MUC4: variants seen among roughly 807,000 people sequenced by gnomAD.
MUC4 encodes mucin-4.
Under a neutral mutation model 257.9 loss-of-function variants are expected in MUC4, and 202 were observed. The observed-to-expected ratio is 0.78, with a 90% CI of 0.70 to 0.88. The LOEUF (loss-of-function observed/expected upper bound fraction) is 0.88. MUC4 is among the 40% of genes least tolerant of loss of function. The probability of loss-of-function intolerance (pLI) is 0.00; values close to 1 mark genes in which losing one functional copy is unlikely to be tolerated. For synonymous variants in MUC4, 2,351 were observed against 2,757.1 expected (o/e 0.85, Z 4.62); for missense variants, 5,976 against 6,513.7 (o/e 0.92, Z 2.84).
intron 9 of MUC4, 40 bp downstream of exon 9, chr3:195,765,230 G>T (rs1280315243): frequency 6.3e-7 from 1 of 1,592,416 alleles, no homozygotes; most frequent in Non-Finnish European, 8.6e-7. Flanking sequence ...AGCAGAGAGG[G>T]TGGTGGGTGG....
chr3:195,751,589 A>T (rs1716457322), intron 21 of MUC4: 1 of 471,580 alleles, frequency 2.1e-6, no homozygotes, highest in Non-Finnish European at 3.8e-6. Flanking sequence ...CCTCCTCCCC[A>T]GTATATTGAA....
chr3:195,796,067 T>A (rs1409207741), intron 1 of MUC4, among the ~76,000 whole-genome samples: 1 of 152,044 alleles, frequency 6.6e-6, no homozygotes, highest in Non-Finnish European at 1.5e-5. Context: ...AAAACTATTT[T>A]ATTTTATTTA....
chr3:195,803,635 C>T (rs1436336052), intron 1 of MUC4, among the ~76,000 whole-genome samples: 3 of 152,108 alleles, frequency 2.0e-5, no homozygotes, highest in Non-Finnish European at 2.9e-5. Flanking sequence ...TTGTTAATAG[C>T]GGCCCCATTT....
chr3:195,793,046 T>C (rs953166076), intron 1 of MUC4, among the ~76,000 whole-genome samples: 9 of 151,766 alleles, frequency 5.9e-5, no homozygotes, highest in African/African-American at 2.2e-4. Context: ...GATGGGTTGA[T>C]AGGTGCAGTA....
At position 195,784,456 on chromosome 3, in the gene MUC4, G is replaced by T; in HGVS notation, c.7124C>A (p.Ser2375Tyr). The change falls in exon 2 of 25, where the codon TCC becomes TAC. Residue 2375 changes from serine (S) to tyrosine (Y), a missense_variant. By Grantham distance (144) the Ser-to-Tyr change is moderately radical. Coordinates refer to ENST00000463781, the MANE Select transcript of MUC4 (RefSeq NM_018406.7). ...DTTPLPVTSS[S>Y]SASSGHTTPL... is the part of the protein sequence containing the mutation. ...GGTGGTGTGACCTGAGGATGCTGAGGAAGAGCTGGTGACAGGAAGAGGGGT... is the reference window on the plus strand; with the variant it reads ...GGTGGTGTGACCTGAGGATGCTGAGTAAGAGCTGGTGACAGGAAGAGGGGT... The T allele has an allele frequency of 7.2e-7, 1 of 1,381,198 alleles. No homozygotes were observed. Among genetic ancestry groups the T allele is most frequent in the Non-Finnish European group, 9.9e-7 (1 of 1,010,288 alleles). The allele number at this position is 1,381,198 out of a possible 1,614,324, so 85.6% of individuals were successfully genotyped here. A position where few individuals can be genotyped will look rare whatever the true frequency, so the allele number is the denominator to read the frequency against.
At chr3:195,761,360 G>T in intron 15 of MUC4, 124 bp downstream of exon 15, 1 of 884,168 alleles carries the variant, frequency 1.1e-6, no homozygotes, top group South Asian at 1.6e-5. Flanking sequence ...AGCCCTGGGG[G>T]GGCACAGATT....
intron 1 of MUC4, among the ~76,000 whole-genome samples, chr3:195,808,360 C>T (rs573806183): frequency 1.1e-3 from 164 of 152,212 alleles, no homozygotes; most frequent in Admixed American, 2.5e-3. Context: ...GAATTACAGG[C>T]GCTCGCCACC....
intron 3 of MUC4, among the ~76,000 whole-genome samples, chr3:195,774,923 C>G (rs1202665797): frequency 7.3e-6 from 1 of 137,660 alleles, no homozygotes; most frequent in Non-Finnish European, 1.6e-5. Flanking sequence ...AAAAAATAGA[C>G]AAAAGTCCAG....
At position 195,788,579 on chromosome 3, in the gene MUC4, C is replaced by G. The variant is rs988729309; in HGVS notation, c.3001G>C (p.Val1001Leu). The change falls in exon 2 of 25, where the codon GTA becomes CTA. Residue 1001 changes from valine (V) to leucine (L), a missense_variant. Val to Leu is a conservative substitution (Grantham distance 32, BLOSUM62 1). Coordinates refer to ENST00000463781, the MANE Select transcript of MUC4 (RefSeq NM_018406.7). The stretch of plus-strand genomic sequence containing the variant: ...AGAGGGGTGGCGTGACCTGTGGATA[C>G]TGAGGAAGCATCGGTGACATGAAGA... The part of the protein sequence containing the change: ...TPLHVTDASS[V>L]STGHATPLPV... 22 of 1,528,800 alleles carry G rather than the reference C, an allele frequency of 1.4e-5. No homozygotes were observed. The African/African-American group carries it at 2.7e-4, about 19-fold the overall frequency. The allele number at this position is 1,528,800 out of a possible 1,614,324, so 94.7% of individuals were successfully genotyped here.
rs768615176 is a variant in MUC4 at position 195,778,247 on chromosome 3, G to A, written c.12943+56C>T. Reference sequence around the variant, plus strand: ...AGACTGTGGGAAGTAGGCTGAGAGGGAGCCTTCAGTTACATCACCCCTCAA... The same window carrying A: ...AGACTGTGGGAAGTAGGCTGAGAGGAAGCCTTCAGTTACATCACCCCTCAA... On this transcript the variant is annotated intron_variant, in intron 3 of 24. Transcript: ENST00000463781. 184 of 1,524,286 alleles carry A rather than the reference G, an allele frequency of 1.2e-4. 1 individual carries two copies. Among genetic ancestry groups the A allele is most frequent in the Non-Finnish European group, 2.2e-5 (25 of 1,133,990 alleles). 94.4% of individuals were successfully genotyped at this position (1,524,286 alleles called of 1,614,324 possible).
In MUC4 at chr3:195,788,259, G is replaced by T. The variant is rs559976828; in HGVS notation, c.3321C>A (p.Val1107=). The change falls in exon 2 of 25, where the codon GTC becomes GTA. Residue 1107 remains valine, a synonymous_variant. Coordinates refer to ENST00000463781, the MANE Select transcript of MUC4 (RefSeq NM_018406.7). ...CTGTGGATACTGAGGAAGTGTCGGTGACAGGAAGAGAGGTGGCGTGACCTG... is the reference window on the plus strand; with the variant it reads ...CTGTGGATACTGAGGAAGTGTCGGTTACAGGAAGAGAGGTGGCGTGACCTG... ...ASTGHATSLP[V]TDTSSVSTGH... is the part of the protein sequence containing the mutation. 1 of 1,475,150 alleles carries T rather than the reference G, an allele frequency of 6.8e-7. No homozygotes were observed. Among genetic ancestry groups the T allele is most frequent in the East Asian group, 3.1e-5 (1 of 31,972 alleles). The allele number at this position is 1,475,150 out of a possible 1,614,324, so 91.4% of individuals were successfully genotyped here.
chr3:195,783,155 C>T lies in MUC4; in HGVS notation c.8425G>A (p.Val2809Met), dbSNP rs1258710131. The change falls in exon 2 of 25, where the codon GTG (valine) becomes ATG (methionine). Residue 2809 changes from valine to methionine, a missense_variant. Val to Met is a conservative substitution (Grantham distance 21). This residue lies in a region of MUC4 where 228 missense variants were observed against 206.3 expected (regional missense o/e 1.11). Coordinates refer to ENST00000463781, the MANE Select transcript of MUC4 (RefSeq NM_018406.7). ...AGAGAGGTGGCGTGACCTGTGGACACTGACGAAGCGTCGGTGACAGGAAGA... is the reference window on the plus strand; with the variant it reads ...AGAGAGGTGGCGTGACCTGTGGACATTGACGAAGCGTCGGTGACAGGAAGA... ...TPLPVTDASSVSTGHATSLPV... is the reference protein window; with the variant it reads ...TPLPVTDASSMSTGHATSLPV... The T allele has an allele frequency of 7.3e-6, 10 of 1,364,970 alleles. No individual in the cohort carries two copies. The highest frequency in any genetic ancestry group is 3.1e-5 in the African/African-American group (2 of 64,890). 84.6% of individuals were successfully genotyped at this position (1,364,970 alleles called of 1,614,324 possible). A position where few individuals can be genotyped will look rare whatever the true frequency, so the allele number is the denominator to read the frequency against.
chr3:195,768,988 A>G (rs1025437564), intron 7 of MUC4, 34 bp downstream of exon 7: 1 of 1,596,092 alleles, frequency 6.3e-7, no homozygotes, highest in African/African-American at 1.3e-5. Context: ...CCTCCCTGCC[A>G]ACTGCTCAGT....
chr3:195,767,584 AT>A lies in MUC4; in HGVS notation c.13530-834del, dbSNP rs1438551603. ...CATTGCCACCACCATCACCACCACC[AT>A]CACCACCACCACCATCATCACCATT... On this transcript the variant is annotated intron_variant, in intron 7 of 24. Coordinates refer to ENST00000463781, the MANE Select transcript of MUC4 (RefSeq NM_018406.7). Among the ~76,000 whole-genome samples, 333 of 120,614 alleles carry A rather than the reference AT, an allele frequency of 2.8e-3. 8 individuals are homozygous for A. The highest frequency in any genetic ancestry group is 0.012 in the African/African-American group (309 of 25,584). The allele number at this position is 120,614 out of a possible 152,430, so 79.1% of individuals were successfully genotyped here.
chr3:195,780,170 C>G lies in MUC4; in HGVS notation c.11410G>C (p.Gly3804Arg), dbSNP rs1255971532. Residue 3804 changes from glycine to arginine, a missense_variant, in exon 2 of 25, where the codon GGT (glycine) becomes CGT (arginine). By Grantham distance (125) the Gly-to-Arg change is moderately radical (BLOSUM62 -2). This residue lies in a region of MUC4 where 330 missense variants were observed against 262.0 expected (regional missense o/e 1.26). Coordinates refer to ENST00000463781, the MANE Select transcript of MUC4 (RefSeq NM_018406.7). The part of the protein sequence containing the change: ...PVTDTSSAST[G>R]QATPLPVTSL... ...GTGACAGGAAGAGGGGTGGCCTGAC[C>G]TGTGGATGCTGAGGAAGTGTCGGTG... is the stretch of plus-strand genomic sequence containing the variant. The G allele has an allele frequency of 2.7e-6, 4 of 1,496,948 alleles. No individual in the cohort carries two copies. Among genetic ancestry groups the G allele is most frequent in the African/African-American group, 2.8e-5 (2 of 71,146 alleles). 92.7% of individuals were successfully genotyped at this position (1,496,948 alleles called of 1,614,324 possible). A position where few individuals can be genotyped will look rare whatever the true frequency, so the allele number is the denominator to read the frequency against.
Position 195,788,779 on chromosome 3 carries a change from G to T in MUC4, c.2801C>A (p.Thr934Lys), listed in dbSNP as rs376569443. The stretch of plus-strand genomic sequence containing the variant: ...GATCGATGGAGGTGTGGGTGGGACT[G>T]TTGAGAAGGTGTCGGTTGCCTGGGA... ...LASQATDTFS[T>K]VPPTPPSITS... The change falls in exon 2 of 25, where the codon ACA becomes AAA. Residue 934 changes from threonine (T) to lysine (K), a missense_variant. This residue lies in a region of MUC4 where 1,583 missense variants were observed against 1,257.4 expected (regional missense o/e 1.26). Coordinates refer to ENST00000463781, the MANE Select transcript of MUC4 (RefSeq NM_018406.7). 3.1e-6 allele frequency: 5 copies of T among 1,613,850 alleles called. No homozygotes were observed. In the African/African-American group the frequency reaches 6.7e-5, roughly 22 times the overall value.
intron 1 of MUC4, among the ~76,000 whole-genome samples, chr3:195,803,883 G>A (rs1258692618): frequency 6.6e-6 from 1 of 152,140 alleles, no homozygotes; most frequent in Non-Finnish European, 1.5e-5. Flanking sequence ...ACTGCCACAT[G>A]CAGAGGGCTC....
Position 195,751,028 on chromosome 3 carries a change from G to T in MUC4, c.15732C>A (p.Val5244=). The change falls in exon 23 of 25, where the codon GTC becomes GTA. Residue 5244 remains valine (V), a synonymous_variant. Transcript: ENST00000463781. ...GCAGCTGGTTGTTCAGGAAGTCAATGACCGGGCCCCGAGGGCGGTACTGGA... is the reference window on the plus strand; with the variant it reads ...GCAGCTGGTTGTTCAGGAAGTCAATTACCGGGCCCCGAGGGCGGTACTGGA... The part of the protein sequence containing the change: ...SEFQYRPRGP[V]IDFLNNQLLA... 1 of 1,613,982 alleles carries T rather than the reference G, an allele frequency of 6.2e-7. No homozygotes were observed. The highest frequency in any genetic ancestry group is 8.5e-7 in the Non-Finnish European group (1 of 1,179,990).
chr3:195,787,497 A>T lies in MUC4; in HGVS notation c.4083T>A (p.Leu1361=). 2.8e-6 allele frequency: 2 copies of T among 725,160 alleles called. No individual in the cohort carries two copies. 44.9% of individuals were successfully genotyped at this position (725,160 alleles called of 1,614,324 possible). The change falls in exon 2 of 25, where the codon CTT becomes CTA. Residue 1361 remains leucine, a synonymous_variant. Transcript: ENST00000463781. The stretch of plus-strand genomic sequence containing the variant: ...ATGCTGAGGAAGCATCAGTGACATG[A>T]AGAGGGGTGGTGTGACCTGTGGATA... ...SSVSTGHTTP[L]HVTDASSAST...
Sources: allele counts gnomAD v4.1 joint callset (sites outside exome capture counted in the v4.1 genomes callset), GRCh38; gene constraint gnomAD v4.1.1; regional missense constraint gnomAD v4.1.1; transcripts MANE v1.5; gene names NCBI Gene and HGNC (gene_info 2026-07-23, HGNC 2026-07-21).